Variants in SAMD4A observed in about 807,000 individuals in gnomAD.
SAMD4A encodes the protein protein Smaug homolog 1.
SAMD4A carries 33 observed loss-of-function variants against 81.3 expected under a neutral mutation model. That is an observed-to-expected ratio of 0.41 (90% CI 0.31 to 0.54). SAMD4A has a LOEUF of 0.54. SAMD4A is among the 20% of genes least tolerant of loss of function. The pLI is 0.37. For synonymous variants in SAMD4A, 389 were observed against 382.1 expected, an observed-to-expected ratio of 1.02 and a Z score of -0.21; for missense variants, 854 against 951.1, an observed-to-expected ratio of 0.90 and a Z score of 1.34.
At chr14:54,587,739 G>A (rs769534093) in intron 2 of SAMD4A, among the ~76,000 whole-genome samples, 5 of 152,054 alleles carry the variant, frequency 3.3e-5, no homozygotes, top group Admixed American at 6.5e-5. Flanking sequence ...TATGAAACCC[G>A]CTTGATTATG....
At chr14:54,654,574 A>C (rs528577865) in intron 2 of SAMD4A, among the ~76,000 whole-genome samples, 76 of 152,350 alleles carry the variant, frequency 5.0e-4, no homozygotes, top group African/African-American at 1.8e-3. Flanking sequence ...TATTAAAAAC[A>C]GCAATGTTGA....
At chr14:54,787,807 A>G (rs1406924471) in intron 12 of SAMD4A, among the ~76,000 whole-genome samples, 1 of 152,182 alleles carries the variant, frequency 6.6e-6, no homozygotes, top group African/African-American at 2.4e-5. Flanking sequence ...TCCTCAGGTT[A>G]TCTGATGCAG....
chr14:54,623,651 C>G (rs2034676380), intron 2 of SAMD4A, among the ~76,000 whole-genome samples: 2 of 151,284 alleles, frequency 1.3e-5, no homozygotes, highest in Non-Finnish European at 2.9e-5. Context: ...AAGGATATGC[C>G]TAATTTGCAC....
chr14:54,730,086 T>TA (rs796598379), intron 3 of SAMD4A, among the ~76,000 whole-genome samples: 148 of 152,328 alleles, frequency 9.7e-4, no homozygotes, highest in African/African-American at 3.2e-3. Flanking sequence ...ATTTATTTCT[T>TA]AAAAGCTCAA....
intron 2 of SAMD4A, among the ~76,000 whole-genome samples, chr14:54,582,604 A>G (rs533250010): frequency 1.3e-5 from 2 of 152,352 alleles, no homozygotes; most frequent in African/African-American, 4.8e-5. Flanking sequence ...TATGATAGCT[A>G]AATGCCACAT....
At chr14:54,699,652 A>G (rs1462537569) in intron 2 of SAMD4A, among the ~76,000 whole-genome samples, 1 of 152,252 alleles carries the variant, frequency 6.6e-6, no homozygotes, top group Non-Finnish European at 1.5e-5. Flanking sequence ...TTTAAATAAA[A>G]TATATCATTA....
intron 2 of SAMD4A, among the ~76,000 whole-genome samples, chr14:54,622,845 T>G (rs966436402): frequency 6.6e-6 from 1 of 152,204 alleles, no homozygotes; most frequent in African/African-American, 2.4e-5. Flanking sequence ...ACACAGATTC[T>G]CAGGCCCCAC....
At chr14:54,596,411 C>A (rs1453743080) in intron 2 of SAMD4A, among the ~76,000 whole-genome samples, 1 of 152,102 alleles carries the variant, frequency 6.6e-6, no homozygotes, top group South Asian at 2.1e-4. Context: ...ATGGTGAAAC[C>A]CTGTCTCTAC....
Position 54,775,094 on chromosome 14 carries a change from A to G in SAMD4A, c.1876A>G (p.Asn626Asp). The G allele has an allele frequency of 6.2e-7, 1 of 1,614,194 alleles. No homozygotes were observed. Among genetic ancestry groups the G allele is most frequent in the Non-Finnish European group, 8.5e-7 (1 of 1,180,034 alleles). The change falls in exon 10 of 13, where the codon AAC becomes GAC. Residue 626 changes from asparagine (N) to aspartate (D), a missense_variant. Coordinates refer to ENST00000554335, the MANE Select transcript of SAMD4A (RefSeq NM_015589.6). Reference sequence around the variant, plus strand: ...TGGATTCGTCAGCTCCAACCAGCGCAACACCACAGCTACCCCCACCATCAT... The same window carrying G: ...TGGATTCGTCAGCTCCAACCAGCGCGACACCACAGCTACCCCCACCATCAT... The part of the protein sequence containing the change: ...TSGFVSSNQR[N>D]TTATPTIMKQ...
At chr14:54,702,793 TG>T (rs1461109091) in intron 3 of SAMD4A, 15 of 587,500 alleles carry the variant, frequency 2.6e-5, no homozygotes, top group Non-Finnish European at 5.9e-6. Context: ...AAGTGACTGA[TG>T]GTCCAAATTT....
chr14:54,605,321 A>G (rs1475096582), intron 2 of SAMD4A, among the ~76,000 whole-genome samples: 1 of 152,184 alleles, frequency 6.6e-6, no homozygotes, highest in South Asian at 2.1e-4. Context: ...TTAAGTCATC[A>G]ACATTAAATG....
intron 2 of SAMD4A, among the ~76,000 whole-genome samples, chr14:54,678,289 T>G (rs898660753): frequency 6.6e-6 from 1 of 152,222 alleles, no homozygotes. Context: ...AGGATGTTCC[T>G]TTCCTCCAGG....
chr14:54,609,915 T>C lies in SAMD4A; in HGVS notation c.196+41803T>C, dbSNP rs190336334. 7.9e-4 allele frequency among the ~76,000 whole-genome samples: 120 copies of C among 152,362 alleles called. 1 individual carries two copies. The South Asian group carries it at 0.013, about 17-fold the overall frequency. ...GTGGGTTTCTTTTCACAATGAGGCA[T>C]TGATTTGCTTTTGGAGAGATGGGAG... On this transcript the variant is annotated intron_variant, in intron 2 of 12. Transcript: ENST00000554335.
At chr14:54,583,685 T>G (rs1323130137) in intron 2 of SAMD4A, among the ~76,000 whole-genome samples, 1 of 152,228 alleles carries the variant, frequency 6.6e-6, no homozygotes, top group Non-Finnish European at 1.5e-5. Context: ...TTGACAGTTT[T>G]AAGATCTTCT....
intron 2 of SAMD4A, among the ~76,000 whole-genome samples, chr14:54,575,711 C>T (rs2033269098): frequency 6.6e-6 from 1 of 152,198 alleles, no homozygotes; most frequent in South Asian, 2.1e-4. Context: ...GAATTATTGA[C>T]TTAAAAATCT....
intron 4 of SAMD4A, among the ~76,000 whole-genome samples, chr14:54,739,518 CA>C (rs11301120): frequency 0.71 from 96,104 of 135,358 alleles, 32,232 homozygotes; most frequent in South Asian, 0.77. Flanking sequence ...AGTTAAATGG[CA>C]AAAAAAAAAA....
At chr14:54,626,007 T>C (rs1344881582) in intron 2 of SAMD4A, among the ~76,000 whole-genome samples, 1 of 150,550 alleles carries the variant, frequency 6.6e-6, no homozygotes, top group African/African-American at 2.4e-5. Context: ...ATAGCAGCTC[T>C]ACTGCTAGGT....
At chr14:54,627,588 C>A (rs1350389006) in intron 2 of SAMD4A, among the ~76,000 whole-genome samples, 1 of 152,200 alleles carries the variant, frequency 6.6e-6, no homozygotes, top group African/African-American at 2.4e-5. Flanking sequence ...CAAGTCAGCT[C>A]AGCTTTTTGT....
intron 2 of SAMD4A, among the ~76,000 whole-genome samples, chr14:54,603,325 T>C (rs1411728603): frequency 2.0e-5 from 3 of 152,260 alleles, no homozygotes; most frequent in African/African-American, 7.2e-5. Flanking sequence ...TTACTTTTTA[T>C]TAGCCCAAAG....
Sources: allele counts gnomAD v4.1 joint callset (sites outside exome capture counted in the v4.1 genomes callset), GRCh38; gene constraint gnomAD v4.1.1; transcripts MANE v1.5; gene names NCBI Gene and HGNC (gene_info 2026-07-23, HGNC 2026-07-21).